Variants in KCNH7 observed in about 807,000 individuals in gnomAD.
KCNH7 encodes the protein voltage-gated inwardly rectifying potassium channel KCNH7.
KCNH7 carries 49 observed loss-of-function variants against 120.8 expected under a neutral mutation model. The observed-to-expected ratio is 0.41, with a 90% CI of 0.32 to 0.51. The LOEUF (loss-of-function observed/expected upper bound fraction) is 0.51, where lower values mean the gene tolerates loss of function less well. Ranked by LOEUF, KCNH7 falls within the 20% of genes least tolerant of loss-of-function variation. KCNH7 has a pLI of 0.38. For missense variants in KCNH7, 1,097 were observed against 1,446.6 expected, an observed-to-expected ratio of 0.76 and a Z score of 3.92; for synonymous variants, 547 against 516.1, an observed-to-expected ratio of 1.06 and a Z score of -0.81.
intron 2 of KCNH7, among the ~76,000 whole-genome samples, chr2:162,696,806 C>T (rs1008716823): frequency 2.6e-5 from 4 of 152,198 alleles, no homozygotes; most frequent in Admixed American, 6.5e-5. Flanking sequence ...CTGCCAAAAG[C>T]GGGACTATTT....
chr2:162,657,840 T>C (rs1684817597), intron 2 of KCNH7, among the ~76,000 whole-genome samples: 1 of 151,374 alleles, frequency 6.6e-6, no homozygotes, highest in South Asian at 2.1e-4. Context: ...TAGAACTAAA[T>C]ATAAAAGGCA....
chr2:162,761,360 C>T (rs1489973427), intron 2 of KCNH7, among the ~76,000 whole-genome samples: 2 of 152,034 alleles, frequency 1.3e-5, no homozygotes, highest in African/African-American at 2.4e-5. Flanking sequence ...GGAGTTTCAA[C>T]GTCCCTGTGT....
chr2:162,695,379 T>A (rs1021203870), intron 2 of KCNH7, among the ~76,000 whole-genome samples: 1 of 152,120 alleles, frequency 6.6e-6, no homozygotes, highest in African/African-American at 2.4e-5. Context: ...AATCCCAACA[T>A]CAAGATGGGC....
chr2:162,696,858 C>T (rs1293251983), intron 2 of KCNH7, among the ~76,000 whole-genome samples: 1 of 152,058 alleles, frequency 6.6e-6, no homozygotes, highest in Non-Finnish European at 1.5e-5. Flanking sequence ...TGAAACCTTC[C>T]AAATATGTTT....
At chr2:162,703,605 T>C (rs1686590590) in intron 2 of KCNH7, among the ~76,000 whole-genome samples, 1 of 152,196 alleles carries the variant, frequency 6.6e-6, no homozygotes, top group African/African-American at 2.4e-5. Flanking sequence ...ACACGGAGAA[T>C]GTTAAACATT....
intron 2 of KCNH7, among the ~76,000 whole-genome samples, chr2:162,742,715 G>T (rs969093183): frequency 6.6e-6 from 1 of 152,166 alleles, no homozygotes; most frequent in African/African-American, 2.4e-5. Context: ...TACTACAGAA[G>T]AGAAGAAGGA....
At chr2:162,814,553 A>C (rs957150333) in intron 2 of KCNH7, among the ~76,000 whole-genome samples, 1 of 152,162 alleles carries the variant, frequency 6.6e-6, no homozygotes. Flanking sequence ...AACTGTCAAT[A>C]TATGATTCTC....
At chr2:162,501,476 C>T (rs917770104) in intron 6 of KCNH7, among the ~76,000 whole-genome samples, 7 of 151,952 alleles carry the variant, frequency 4.6e-5, no homozygotes, top group African/African-American at 1.7e-4. Flanking sequence ...TTCTGTGGGC[C>T]TCAGATTCAC....
At chr2:162,373,917 A>C (rs1209117546) in intron 14 of KCNH7, among the ~76,000 whole-genome samples, 1 of 152,210 alleles carries the variant, frequency 6.6e-6, no homozygotes, top group Non-Finnish European at 1.5e-5. Flanking sequence ...AATAGACTAC[A>C]TGTTTACTAA....
At chr2:162,516,818 C>A (rs906473116) in intron 4 of KCNH7, among the ~76,000 whole-genome samples, 1 of 151,730 alleles carries the variant, frequency 6.6e-6, no homozygotes, top group Admixed American at 6.6e-5. Context: ...ACTATGGAGA[C>A]AGGCAGTCCT....
At chr2:162,650,903 C>T (rs890741377) in intron 2 of KCNH7, among the ~76,000 whole-genome samples, 5 of 152,092 alleles carry the variant, frequency 3.3e-5, no homozygotes, top group African/African-American at 9.7e-5. Flanking sequence ...CAGGTAGGTA[C>T]GTATAACTAA....
At chr2:162,485,373 T>C (rs1285774768) in intron 6 of KCNH7, among the ~76,000 whole-genome samples, 1 of 152,192 alleles carries the variant, frequency 6.6e-6, no homozygotes, top group Non-Finnish European at 1.5e-5. Context: ...TTAATACTCA[T>C]TAGGTTTATG....
intron 6 of KCNH7, among the ~76,000 whole-genome samples, chr2:162,469,553 G>A (rs1689424822): frequency 6.6e-6 from 1 of 152,186 alleles, no homozygotes; most frequent in African/African-American, 2.4e-5. Context: ...AGTTGGAAAT[G>A]ATATGCTTTT....
chr2:162,489,774 T>C (rs192471593), intron 6 of KCNH7, among the ~76,000 whole-genome samples: 118 of 152,286 alleles, frequency 7.7e-4, no homozygotes, highest in African/African-American at 1.4e-3. Flanking sequence ...ACTCAGAATA[T>C]GGGAAAAACA....
At chr2:162,557,519 T>G (rs78417992) in intron 2 of KCNH7, among the ~76,000 whole-genome samples, 1,863 of 152,146 alleles carry the variant, frequency 0.012, 38 homozygotes, top group African/African-American at 0.039. Flanking sequence ...AGATGGGAGA[T>G]GGTGGGAGAT....
At chr2:162,440,909 AT>A (rs773696903) in intron 7 of KCNH7, among the ~76,000 whole-genome samples, 142 of 152,106 alleles carry the variant, frequency 9.3e-4, no homozygotes, top group Non-Finnish European at 1.8e-3. Context: ...GGGATGTCAT[AT>A]TTTTTAAATG....
At chr2:162,516,345 G>A (rs1046742804) in intron 4 of KCNH7, among the ~76,000 whole-genome samples, 16 of 151,884 alleles carry the variant, frequency 1.1e-4, no homozygotes, top group Admixed American at 4.6e-4. Flanking sequence ...TGGGAAGGGG[G>A]AAATGGGTCC....
At chr2:162,412,222 T>C (rs1687411557) in intron 9 of KCNH7, among the ~76,000 whole-genome samples, 1 of 152,060 alleles carries the variant, frequency 6.6e-6, no homozygotes, top group Non-Finnish European at 1.5e-5. Flanking sequence ...TTTGACTCAC[T>C]ATGCTATATA....
intron 2 of KCNH7, among the ~76,000 whole-genome samples, chr2:162,726,138 A>G (rs1355927354): frequency 6.6e-6 from 1 of 152,158 alleles, no homozygotes; most frequent in African/African-American, 2.4e-5. Context: ...ATTTTCATCT[A>G]TAATTTTGAT....
Sources: gnomAD v4.1 joint callset for allele counts (sites outside exome capture counted in the v4.1 genomes callset) on GRCh38, gnomAD v4.1.1 for gene constraint, MANE v1.5 for transcripts, NCBI Gene and HGNC (gene_info 2026-07-23, HGNC 2026-07-21) for gene names.